SLCO1C1: variants seen among roughly 807,000 people sequenced by gnomAD.
SLCO1C1 encodes OAT-RP-5.
SLCO1C1 carries 70 observed loss-of-function variants against 76.4 expected under a neutral mutation model. The observed-to-expected ratio is 0.92, with a 90% CI of 0.76 to 1.12. The LOEUF is 1.12. Among genes scored for constraint, SLCO1C1 ranks in the 50% most tolerant of loss-of-function variants. SLCO1C1 has a pLI of 0.00. For missense variants in SLCO1C1, 912 were observed against 823.8 expected (o/e 1.11, Z -1.31); for synonymous variants, 306 against 286.1 (o/e 1.07, Z -0.70).
chr12:20,709,089 G>C (rs1013184890), intron 4 of SLCO1C1, among the ~76,000 whole-genome samples: 1 of 152,208 alleles, frequency 6.6e-6, no homozygotes, highest in Admixed American at 6.5e-5. Flanking sequence ...TATTTAGGAG[G>C]CTACTGCAAA....
At chr12:20,726,158 C>T (rs2120784981) in intron 9 of SLCO1C1, among the ~76,000 whole-genome samples, 1 of 152,020 alleles carries the variant, frequency 6.6e-6, no homozygotes. Context: ...TGAAAGTATA[C>T]AGATAAAATG....
At chr12:20,718,820 A>G (rs1947509665) in intron 7 of SLCO1C1, among the ~76,000 whole-genome samples, 1 of 152,108 alleles carries the variant, frequency 6.6e-6, no homozygotes, top group African/African-American at 2.4e-5. Context: ...CATGAAGCCT[A>G]TTCCGGAATT....
intron 4 of SLCO1C1, among the ~76,000 whole-genome samples, chr12:20,707,714 C>G (rs1010110653): frequency 6.6e-6 from 1 of 152,098 alleles, no homozygotes; most frequent in African/African-American, 2.4e-5. Flanking sequence ...AATTAAGCCA[C>G]CTGGTTTTAA....
intron 14 of SLCO1C1, 173 bp downstream of exon 14, chr12:20,750,965 C>T: frequency 7.6e-7 from 1 of 1,308,416 alleles, no homozygotes; most frequent in South Asian, 1.5e-5. Context: ...TTGATTAGAT[C>T]TTTGATTTTG....
At chr12:20,722,911 C>G (rs535545559) in intron 8 of SLCO1C1, among the ~76,000 whole-genome samples, 179 bp from the exon 9 acceptor site, 1 of 152,156 alleles carries the variant, frequency 6.6e-6, no homozygotes, top group Non-Finnish European at 1.5e-5. Context: ...CTGGCCAGAT[C>G]GCAGGCTTGA....
chr12:20,707,065 G>A (rs1487503380), intron 4 of SLCO1C1, among the ~76,000 whole-genome samples: 1 of 151,950 alleles, frequency 6.6e-6, no homozygotes, highest in African/African-American at 2.4e-5. Flanking sequence ...TGACCTCCCT[G>A]GCCAATCTAT....
At chr12:20,743,643 T>C (rs1218831617) in intron 13 of SLCO1C1, among the ~76,000 whole-genome samples, 1 of 152,134 alleles carries the variant, frequency 6.6e-6, no homozygotes, top group Non-Finnish European at 1.5e-5. Flanking sequence ...TTACCTTTTC[T>C]AGTACTTGTG....
chr12:20,726,208 TTCTC>T (rs940370715), intron 9 of SLCO1C1, among the ~76,000 whole-genome samples: 5 of 152,078 alleles, frequency 3.3e-5, no homozygotes, highest in African/African-American at 7.2e-5. Flanking sequence ...TAAATATTAT[TTCTC>T]TCTTTCTTTT....
At position 20,740,325 on chromosome 12, in the gene SLCO1C1, A is replaced by G. The variant is rs147735206; in HGVS notation, c.1690A>G (p.Thr564Ala). 2.7e-3 allele frequency: 4,379 copies of G among 1,613,788 alleles called. 142 individuals are homozygous for G. The Admixed American group carries it at 0.054, about 20-fold the overall frequency. The change falls in exon 12 of 15, where the codon ACT becomes GCT. Residue 564 changes from threonine (T) to alanine (A), a missense_variant. Physicochemically the swap from Thr to Ala is moderately conservative, Grantham distance 58. Transcript: ENST00000266509. ...TGTAATTTCAGTCATCACATCCTAT[A>G]CTTTATCCCTAGGTGGCATACCTGG... ...FLVISVITSYTLSLGGIPGYI... is the reference protein window; with the variant it reads ...FLVISVITSYALSLGGIPGYI...
At chr12:20,720,516 C>T (rs1947611052) in intron 7 of SLCO1C1, among the ~76,000 whole-genome samples, 1 of 152,170 alleles carries the variant, frequency 6.6e-6, no homozygotes, top group Non-Finnish European at 1.5e-5. Flanking sequence ...ATTTGCAATT[C>T]ATAGGAGGAG....
Position 20,721,858 on chromosome 12 carries a change from G to A in SLCO1C1, c.830G>A (p.Gly277Asp), listed in dbSNP as rs1389258336. The change falls in exon 8 of 15, where the codon GGC becomes GAC. Residue 277 changes from glycine (G) to aspartate (D), a missense_variant. Coordinates refer to ENST00000266509, the MANE Select transcript of SLCO1C1 (RefSeq NM_017435.5). ...CAGTGGGTAGGAGCCTGGTGGCTTG[G>A]CTATCTAATAGCAGGAATCATAAGT... ...DPQWVGAWWL[G>D]YLIAGIISLL... is the part of the protein sequence containing the mutation. 6.2e-7 allele frequency: 1 copy of A among 1,613,978 alleles called. No homozygotes were observed. The highest frequency in any genetic ancestry group is 1.3e-5 in the African/African-American group (1 of 74,908).
chr12:20,723,150 C>G lies in SLCO1C1; in HGVS notation c.1082C>G (p.Thr361Arg), dbSNP rs1402645358. The G allele has an allele frequency of 3.1e-6, 5 of 1,613,532 alleles. No homozygotes were observed. The African/African-American group carries it at 5.3e-5, about 17-fold the overall frequency. Residue 361 changes from threonine to arginine, a missense_variant, in exon 9 of 15, where the codon ACA becomes AGA. Coordinates refer to ENST00000266509, the MANE Select transcript of SLCO1C1 (RefSeq NM_017435.5). ...CCAGTATACTTCCTATATTTATGTA[C>G]AAGCACTGTTCAGTTCAATTCTCTG... ...GNPVYFLYLC[T>R]STVQFNSLFG...
At chr12:20,743,520 T>C in intron 13 of SLCO1C1, 151 bp downstream of exon 13, 1 of 542,660 alleles carries the variant, frequency 1.8e-6, no homozygotes, top group Non-Finnish European at 3.2e-6. Flanking sequence ...ATTTCTTTGT[T>C]CCCTTCCTCC....
At chr12:20,748,847 C>T (rs367866949) in intron 13 of SLCO1C1, among the ~76,000 whole-genome samples, 4 of 152,132 alleles carry the variant, frequency 2.6e-5, no homozygotes, top group Non-Finnish European at 5.9e-5. Context: ...TAAATCATAT[C>T]AGGAAGCACA....
chr12:20,748,211 T>G (rs1198109385), intron 13 of SLCO1C1, among the ~76,000 whole-genome samples: 1 of 152,170 alleles, frequency 6.6e-6, no homozygotes, highest in Non-Finnish European at 1.5e-5. Context: ...TTTTAATCCA[T>G]AGGCTTTACT....
intron 4 of SLCO1C1, among the ~76,000 whole-genome samples, chr12:20,709,572 T>A (rs899975309): frequency 6.6e-6 from 1 of 151,634 alleles, no homozygotes; most frequent in African/African-American, 2.4e-5. Context: ...TGCTAAATGT[T>A]CTCATGTGTA....
chr12:20,732,146 A>G (rs1565531678), intron 9 of SLCO1C1, among the ~76,000 whole-genome samples: 1 of 152,170 alleles, frequency 6.6e-6, no homozygotes, highest in Non-Finnish European at 1.5e-5. Flanking sequence ...CTGCACATCT[A>G]TCCAAAAAGA....
At chr12:20,728,062 TG>T (rs1223939632) in intron 9 of SLCO1C1, among the ~76,000 whole-genome samples, 1 of 152,216 alleles carries the variant, frequency 6.6e-6, no homozygotes, top group East Asian at 1.9e-4. Flanking sequence ...CAGTTGCTTT[TG>T]AGGACAAAGA....
intron 7 of SLCO1C1, among the ~76,000 whole-genome samples, chr12:20,721,009 A>AT (rs921906276): frequency 3.3e-5 from 5 of 151,840 alleles, no homozygotes; most frequent in African/African-American, 1.2e-4. Flanking sequence ...AAAAAAAAAA[A>AT]AAAAAAAAAA....
Sources: gnomAD v4.1 joint callset for allele counts (sites outside exome capture counted in the v4.1 genomes callset) on GRCh38, gnomAD v4.1.1 for gene constraint, MANE v1.5 for transcripts, NCBI Gene and HGNC (gene_info 2026-07-23, HGNC 2026-07-21) for gene names.